The following TMEM164 variants were observed in gnomAD, a reference collection of about 807,000 sequenced individuals.
The protein encoded by TMEM164 is transmembrane protein 164.
In TMEM164, 4 loss-of-function variants were observed where a neutral mutation model predicts 18.8. That is an observed-to-expected ratio of 0.21 (90% CI 0.10 to 0.49). TMEM164 has a LOEUF of 0.49. Among genes scored for constraint, TMEM164 ranks in the 20% least tolerant of loss-of-function variants. TMEM164 has a pLI of 0.98. For synonymous variants in TMEM164, 86 were observed against 101.7 expected (o/e 0.85, Z 0.93); for missense variants, 108 against 239.9 (o/e 0.45, Z 3.63).
At position 110,059,792 on chromosome X, in the gene TMEM164, G is replaced by A. The variant is rs182450369; in HGVS notation, c.391-7555G>A. Among the ~76,000 whole-genome samples the A allele has an allele frequency of 4.7e-3, 521 of 110,669 alleles. 1 individual carries two copies. The highest frequency in any genetic ancestry group is 0.016 in the African/African-American group (482 of 30,333). ...TGTTAGTGTATTTTATGTGTAGACC[G>A]AGACAATTCTTCTTCCAGTGTGGCT... is the stretch of plus-strand genomic sequence containing the variant. On this transcript the variant is annotated intron_variant, in intron 2 of 6. Transcript: ENST00000372068.
chrX:110,069,870 A>G, intron 3 of TMEM164, among the ~76,000 whole-genome samples: 1 of 112,103 alleles, frequency 8.9e-6, no homozygotes, highest in Non-Finnish European at 1.9e-5. Flanking sequence ...GGAATAATAT[A>G]TTAAATGATC....
At chrX:110,105,903 CTGTT>C (rs1481553775) in intron 3 of TMEM164, among the ~76,000 whole-genome samples, 1 of 111,458 alleles carries the variant, frequency 9.0e-6, no homozygotes, top group Admixed American at 9.6e-5. Context: ...CACTTATTGT[CTGTT>C]TGATCTTGGG....
At chrX:110,134,574 A>T (rs2066660681) in intron 4 of TMEM164, among the ~76,000 whole-genome samples, 1 of 105,274 alleles carries the variant, frequency 9.5e-6, no homozygotes, top group South Asian at 4.3e-4. Context: ...AAAAAAAAAA[A>T]AAAAAAAAAA....
At chrX:110,117,501 A>G (rs1046569250) in intron 4 of TMEM164, among the ~76,000 whole-genome samples, 1 of 112,286 alleles carries the variant, frequency 8.9e-6, no homozygotes, top group Non-Finnish European at 1.9e-5. Context: ...GAAATGATAA[A>G]TACTCAAGGG....
intron 2 of TMEM164, among the ~76,000 whole-genome samples, chrX:110,067,020 G>T (rs1936372131): frequency 9.0e-6 from 1 of 111,342 alleles, no homozygotes; most frequent in Non-Finnish European, 1.9e-5. Context: ...GGCATGGTGT[G>T]TGCGTGTTCC....
intron 4 of TMEM164, among the ~76,000 whole-genome samples, chrX:110,130,291 T>C (rs1797893283): frequency 8.9e-6 from 1 of 112,032 alleles, no homozygotes; most frequent in Non-Finnish European, 1.9e-5. Flanking sequence ...GTAGGTAGTA[T>C]AAGTCGGTGA....
chrX:110,137,123 G>GTA (rs1475777841), intron 4 of TMEM164, among the ~76,000 whole-genome samples: 1 of 111,810 alleles, frequency 8.9e-6, no homozygotes, highest in East Asian at 2.8e-4. Context: ...AGTTATACAT[G>GTA]TATATCATTT....
chrX:110,182,024 A>AT (rs1220971009), downstream of TMEM164, among the ~76,000 whole-genome samples: 1 of 110,814 alleles, frequency 9.0e-6, no homozygotes. Flanking sequence ...TCTAAGACAC[A>AT]TTTTTTTCAC....
intron 2 of TMEM164, among the ~76,000 whole-genome samples, chrX:110,052,604 G>T (rs11797230): frequency 0.47 from 51,859 of 110,798 alleles, 10,029 homozygotes; most frequent in Non-Finnish European, 0.62. Context: ...TGGACCTACA[G>T]TGAGGACCAT....
chrX:110,004,642 A>T (rs775739829), intron 2 of TMEM164, among the ~76,000 whole-genome samples: 2 of 112,261 alleles, frequency 1.8e-5, no homozygotes, highest in Admixed American at 9.4e-5. Flanking sequence ...ATACTTTTAC[A>T]GGTTTCTCTT....
At chrX:110,146,407 T>A (rs1354219121) in intron 5 of TMEM164, among the ~76,000 whole-genome samples, 1 of 112,374 alleles carries the variant, frequency 8.9e-6, no homozygotes, top group African/African-American at 3.2e-5. Flanking sequence ...GGAAGCCACA[T>A]CCTCAAGACT....
intron 2 of TMEM164, among the ~76,000 whole-genome samples, chrX:110,013,191 A>G (rs1022287507): frequency 8.9e-6 from 1 of 112,242 alleles, no homozygotes; most frequent in Non-Finnish European, 1.9e-5. Flanking sequence ...TGTGAATTGA[A>G]TTGTCTTTGC....
chrX:110,122,360 G>T (rs760035248), intron 4 of TMEM164, among the ~76,000 whole-genome samples: 63 of 102,162 alleles, frequency 6.2e-4, no homozygotes, highest in African/African-American at 2.1e-3. Context: ...TCACTCATAG[G>T]TGGGAATTGA....
rs150119558 is a variant in TMEM164, at chrX:110,112,409, G to A, written c.507+3263G>A. On this transcript the variant is annotated intron_variant, in intron 4 of 6. Coordinates refer to ENST00000372068, the MANE Select transcript of TMEM164 (RefSeq NM_032227.4). Reference sequence around the variant, plus strand: ...GTAGTCCAGGCTGCTTGAGACTTCCGCCCTCCCTTCTGAGGTGGGAGGATT... The same window carrying A: ...GTAGTCCAGGCTGCTTGAGACTTCCACCCTCCCTTCTGAGGTGGGAGGATT... Among the ~76,000 whole-genome samples, 83 of 111,202 alleles carry A rather than the reference G, an allele frequency of 7.5e-4. 1 individual carries two copies. Among genetic ancestry groups the A allele is most frequent in the African/African-American group, 2.4e-3 (73 of 30,548 alleles).
At chrX:110,084,426 G>GTGTATATA (rs1569321030) in intron 3 of TMEM164, among the ~76,000 whole-genome samples, 1 of 85,929 alleles carries the variant, frequency 1.2e-5, no homozygotes, top group African/African-American at 4.4e-5. Context: ...TATATATATA[G>GTGTATATA]TATAGTATAT....
chrX:110,059,321 T>A (rs953438546), intron 2 of TMEM164, among the ~76,000 whole-genome samples: 7 of 111,987 alleles, frequency 6.3e-5, no homozygotes, highest in Admixed American at 5.7e-4. Flanking sequence ...AATTCTATTC[T>A]GTTGGTCTCT....
rs181309260 is a variant in TMEM164 at position 110,063,542 on chromosome X, A to G, written c.391-3805A>G. Among the ~76,000 whole-genome samples, 9 of 111,388 alleles carry G rather than the reference A, an allele frequency of 8.1e-5. No individual in the cohort carries two copies. The East Asian group carries it at 2.0e-3, about 25-fold the overall frequency. On this transcript the variant is annotated intron_variant, in intron 2 of 6. Transcript: ENST00000372068. ...GTTCGCAGGTAGAGGATGAACTGGG[A>G]TAACAGCTGATGCCTAGATTGGATG...
intron 3 of TMEM164, among the ~76,000 whole-genome samples, chrX:110,105,421 A>G: frequency 9.1e-6 from 1 of 109,920 alleles, no homozygotes; most frequent in Non-Finnish European, 1.9e-5. Flanking sequence ...CCCTATAGCC[A>G]TTTGCCACAC....
chrX:110,049,927 G>C (rs1935478861), intron 2 of TMEM164, among the ~76,000 whole-genome samples: 2 of 111,249 alleles, frequency 1.8e-5, no homozygotes, highest in Non-Finnish European at 3.8e-5. Flanking sequence ...TAAAACCATC[G>C]TAAGCCCAAA....
Sources: gnomAD v4.1 joint callset for allele counts (sites outside exome capture counted in the v4.1 genomes callset) on GRCh38, gnomAD v4.1.1 for gene constraint, MANE v1.5 for transcripts, NCBI Gene and HGNC (gene_info 2026-07-23, HGNC 2026-07-21) for gene names.